NCALD: variants seen among roughly 807,000 people sequenced by gnomAD.
NCALD encodes the protein neurocalcin-delta.
In NCALD, 10 loss-of-function variants were observed where a neutral mutation model predicts 18.6. The ratio of observed to expected loss-of-function variants is 0.54; its 90% CI spans 0.33 to 0.91. The LOEUF is 0.91. Ranked by LOEUF, NCALD falls within the 40% of genes least tolerant of loss-of-function variation. The probability of loss-of-function intolerance (pLI) is 0.03; values close to 1 mark genes in which losing one functional copy is unlikely to be tolerated. For missense variants in NCALD, 184 were observed against 247.6 expected, an observed-to-expected ratio of 0.74 and a Z score of 1.72; for synonymous variants, 88 against 87.4, an observed-to-expected ratio of 1.01 and a Z score of -0.04.
intron 3 of NCALD, among the ~76,000 whole-genome samples, chr8:101,903,437 C>G (rs541466622): frequency 6.6e-6 from 1 of 152,086 alleles, no homozygotes; most frequent in Non-Finnish European, 1.5e-5. Flanking sequence ...TCTCATGATC[C>G]GCCCACCTCA....
intron 4 of NCALD, among the ~76,000 whole-genome samples, chr8:101,853,569 AAAG>A (rs1417189895): frequency 6.6e-6 from 1 of 152,186 alleles, no homozygotes; most frequent in African/African-American, 2.4e-5. Flanking sequence ...GGCAATTTTG[AAAG>A]AAGGAAAGAA....
chr8:101,761,463 G>C (rs1811106126), intron 1 of NCALD, among the ~76,000 whole-genome samples: 1 of 152,104 alleles, frequency 6.6e-6, no homozygotes, highest in Non-Finnish European at 1.5e-5. Flanking sequence ...TGTTTACCCT[G>C]GGATTGAATA....
intron 1 of NCALD, among the ~76,000 whole-genome samples, chr8:102,022,223 G>A: frequency 6.6e-6 from 1 of 152,190 alleles, no homozygotes; most frequent in Non-Finnish European, 1.5e-5. Flanking sequence ...GGAAAAGGGG[G>A]AGGGTGGGTC....
intron 1 of NCALD, among the ~76,000 whole-genome samples, chr8:101,756,820 A>C (rs1810902486): frequency 6.6e-6 from 1 of 152,164 alleles, no homozygotes; most frequent in African/African-American, 2.4e-5. Flanking sequence ...TGCAATTATT[A>C]AATTTATCCT....
chr8:101,957,303 T>TG (rs1444501430), intron 2 of NCALD, among the ~76,000 whole-genome samples: 1 of 148,552 alleles, frequency 6.7e-6, no homozygotes, highest in East Asian at 1.9e-4. Context: ...TTTTTTTTTT[T>TG]TTTTTTTTTT....
At position 101,689,482 on chromosome 8, in the gene NCALD, T is replaced by C; in HGVS notation, c.485-76A>G. Reference sequence around the variant, plus strand: ...TTACACCCTTCCCACTACTGCGTGCTGGGCAGTGTCGATTCACCTGCCTGC... The same window carrying C: ...TTACACCCTTCCCACTACTGCGTGCCGGGCAGTGTCGATTCACCTGCCTGC... On this transcript the variant is annotated intron_variant, in intron 3 of 3. Transcript: ENST00000220931. This position sits in a 1 kb window ranked among gnomAD's most constrained non-coding sequence, Gnocchi z 4.4. 8.5e-7 allele frequency: 1 copy of C among 1,182,760 alleles called. No homozygotes were observed. The highest frequency in any genetic ancestry group is 1.4e-5 in the South Asian group (1 of 73,802). The allele number at this position is 1,182,760 out of a possible 1,614,324, so 73.3% of individuals were successfully genotyped here. A position where few individuals can be genotyped will look rare whatever the true frequency, so the allele number is the denominator to read the frequency against.
chr8:101,852,727 C>G (rs939937893), intron 4 of NCALD: 1 of 152,158 alleles, frequency 6.6e-6, no homozygotes, highest in African/African-American at 2.4e-5. Flanking sequence ...AAATTTAAGT[C>G]GATACTATGA....
At chr8:102,037,213 T>A (rs1255198608) in intron 1 of NCALD, among the ~76,000 whole-genome samples, 3 of 152,202 alleles carry the variant, frequency 2.0e-5, no homozygotes, top group African/African-American at 7.2e-5. Context: ...AACTTTACTA[T>A]AATTCTATTA....
intron 1 of NCALD, among the ~76,000 whole-genome samples, chr8:102,022,846 A>G (rs1335167966): frequency 6.6e-6 from 1 of 152,074 alleles, no homozygotes; most frequent in Non-Finnish European, 1.5e-5. Context: ...CAGTGAATCC[A>G]TTTGCCCCCA....
intron 3 of NCALD, among the ~76,000 whole-genome samples, chr8:101,892,367 C>A (rs954053967): frequency 1.4e-4 from 21 of 147,144 alleles, no homozygotes; most frequent in African/African-American, 2.7e-5. Flanking sequence ...ATCTGTACAT[C>A]ACCATTATCA....
chr8:102,116,631 T>A (rs1563631774), intron 1 of NCALD, among the ~76,000 whole-genome samples: 1 of 152,128 alleles, frequency 6.6e-6, no homozygotes, highest in Non-Finnish European at 1.5e-5. Flanking sequence ...CACGGGTGCA[T>A]GCCAAGAGGC....
chr8:101,785,662 G>A (rs1186891284), intron 1 of NCALD, among the ~76,000 whole-genome samples: 1 of 152,124 alleles, frequency 6.6e-6, no homozygotes, highest in African/African-American at 2.4e-5. Context: ...GAAGACGGGA[G>A]AGATATTTTT....
chr8:101,912,612 C>T (rs1817840495), intron 3 of NCALD, among the ~76,000 whole-genome samples: 1 of 152,216 alleles, frequency 6.6e-6, no homozygotes, highest in African/African-American at 2.4e-5. Flanking sequence ...TGCTTGAAAG[C>T]AAGAAGCAAG....
At chr8:101,980,717 T>G (rs1586863268) in intron 2 of NCALD, among the ~76,000 whole-genome samples, 1 of 152,212 alleles carries the variant, frequency 6.6e-6, no homozygotes, top group Non-Finnish European at 1.5e-5. Context: ...ACCTGAAGAC[T>G]AAACAAAAGT....
chr8:101,736,574 C>T (rs911876176), intron 1 of NCALD, among the ~76,000 whole-genome samples: 1 of 152,174 alleles, frequency 6.6e-6, no homozygotes, highest in Non-Finnish European at 1.5e-5. Context: ...TTAAACCTGG[C>T]CATGTCCGAC....
In NCALD at chr8:102,053,444, G is replaced by A. The variant is rs540241687; in HGVS notation, c.-209-33155C>T. Among the ~76,000 whole-genome samples the A allele has an allele frequency of 2.1e-4, 32 of 152,174 alleles. No homozygotes were observed. In the South Asian group the frequency reaches 4.4e-3, roughly 21 times the overall value. ...GAAGAGAGGTGCTATGAGTAACACCGCTTGACCACGTACCATACATCAGGC... is the reference window on the plus strand; with the variant it reads ...GAAGAGAGGTGCTATGAGTAACACCACTTGACCACGTACCATACATCAGGC... On this transcript the variant is annotated intron_variant, in intron 1 of 6. Coordinates refer to the NCALD transcript ENST00000311028.
At chr8:101,744,670 A>G (rs1207418222) in intron 1 of NCALD, among the ~76,000 whole-genome samples, 2 of 152,222 alleles carry the variant, frequency 1.3e-5, no homozygotes, top group South Asian at 2.1e-4. Context: ...GGAAATTTCT[A>G]CTAAGCACGT....
At chr8:102,043,133 C>T (rs1011428961) in intron 1 of NCALD, among the ~76,000 whole-genome samples, 2 of 151,888 alleles carry the variant, frequency 1.3e-5, no homozygotes, top group African/African-American at 2.4e-5. Flanking sequence ...GGAAGTCATT[C>T]GGTCACATGG....
chr8:101,878,776 G>A (rs563502485), intron 4 of NCALD, among the ~76,000 whole-genome samples: 6 of 152,260 alleles, frequency 3.9e-5, no homozygotes, highest in African/African-American at 1.4e-4. Context: ...TGATCCCACA[G>A]GTGCTAAACA....
Sources: allele counts gnomAD v4.1 joint callset (sites outside exome capture counted in the v4.1 genomes callset), GRCh38; gene constraint gnomAD v4.1.1; non-coding constraint Gnocchi (gnomAD v3.1); transcripts MANE v1.5; gene names NCBI Gene and HGNC (gene_info 2026-07-23, HGNC 2026-07-21).